The following SLC25A37 variants were observed in gnomAD, a reference collection of about 807,000 sequenced individuals.
SLC25A37 encodes solute carrier family 25 member 37.
Under a neutral mutation model 31.0 loss-of-function variants are expected in SLC25A37, and 17 were observed. That is an observed-to-expected ratio of 0.55 (90% CI 0.38 to 0.82). SLC25A37 has a LOEUF of 0.82. Ranked by LOEUF, SLC25A37 falls within the 40% of genes least tolerant of loss-of-function variation. The probability of loss-of-function intolerance (pLI) is 0.00; values close to 1 mark genes in which losing one functional copy is unlikely to be tolerated. For missense variants in SLC25A37, 404 were observed against 465.8 expected (o/e 0.87, Z 1.22); for synonymous variants, 222 against 193.0 (o/e 1.15, Z -1.24).
In SLC25A37 at chr8:23,529,742, G is replaced by A. The variant is rs538248684; in HGVS notation, c.210+530G>A. 6.6e-6 allele frequency among the ~76,000 whole-genome samples: 1 copy of A among 152,284 alleles called. No individual in the cohort carries two copies. The highest frequency in any genetic ancestry group is 2.1e-4 in the South Asian group (1 of 4,824). On this transcript the variant is annotated intron_variant, in intron 1 of 3. Transcript: ENST00000519973. This position sits in a 1 kb window ranked among gnomAD's most constrained non-coding sequence, Gnocchi z 4.1. ...TCCCCGGGTTATTTCGGGAACTTGG[G>A]GCCGGCAAGTCTTCTCTCGACTAGT...
chr8:23,529,081 G>A lies in SLC25A37; in HGVS notation c.79G>A (p.Gly27Ser), dbSNP rs751225509. ...TGGGGACAGCCGAGATGGCGGCGGC[G>A]GCAAGGACGCCACCGGGTCGGAGGA... ...MDGDSRDGGG[G>S]KDATGSEDYE... Residue 27 changes from glycine (G) to serine (S), a missense_variant, in exon 1 of 4, where the codon GGC (glycine) becomes AGC (serine). Coordinates refer to ENST00000519973, the MANE Select transcript of SLC25A37 (RefSeq NM_016612.4). The surrounding 1 kb of genome is among the most constrained non-coding windows in gnomAD (Gnocchi z 4.1). 1 of 1,600,404 alleles carries A rather than the reference G, an allele frequency of 6.2e-7. No homozygotes were observed. The highest frequency in any genetic ancestry group is 8.5e-7 in the Non-Finnish European group (1 of 1,174,564).
chr8:23,552,344 G>A (rs1802249942), intron 1 of SLC25A37, among the ~76,000 whole-genome samples: 1 of 152,212 alleles, frequency 6.6e-6, no homozygotes, highest in African/African-American at 2.4e-5. Flanking sequence ...ACAGACGAGG[G>A]AACTGAAGTT....
intron 1 of SLC25A37, among the ~76,000 whole-genome samples, chr8:23,546,558 A>ATATATATATATATATATATATATAGTG (rs1802060035): frequency 2.4e-4 from 8 of 32,674 alleles, no homozygotes; most frequent in South Asian, 1.1e-3. Context: ...TATATAGTGT[A>ATATATATATATATATATATATATAGTG]TATATATATA....
intron 1 of SLC25A37, among the ~76,000 whole-genome samples, chr8:23,565,516 A>G (rs1160568285): frequency 1.3e-5 from 2 of 152,212 alleles, no homozygotes; most frequent in Non-Finnish European, 2.9e-5. Flanking sequence ...ATTAAGAACA[A>G]GACCATTTAT....
chr8:23,568,431 A>G, intron 3 of SLC25A37, 53 bp downstream of exon 3: 1 of 1,606,060 alleles, frequency 6.2e-7, no homozygotes, highest in Non-Finnish European at 8.5e-7. Flanking sequence ...AAAGGGGCAC[A>G]AAAAATGGTT....
intron 1 of SLC25A37, among the ~76,000 whole-genome samples, chr8:23,547,516 G>A (rs1039706622): frequency 1.3e-5 from 2 of 152,166 alleles, no homozygotes; most frequent in Non-Finnish European, 2.9e-5. Context: ...ATTCTCTCGG[G>A]AACTCACCAG....
intron 1 of SLC25A37, among the ~76,000 whole-genome samples, chr8:23,531,049 G>C (rs1485982410): frequency 2.0e-5 from 3 of 152,310 alleles, no homozygotes; most frequent in African/African-American, 7.2e-5. Flanking sequence ...ATGGTAGAAG[G>C]AGCCGGTCTG....
intron 1 of SLC25A37, among the ~76,000 whole-genome samples, chr8:23,546,070 G>A (rs1802028390): frequency 6.6e-6 from 1 of 151,966 alleles, no homozygotes; most frequent in African/African-American, 2.4e-5. Flanking sequence ...GGGAGGCAGA[G>A]GTTGCATTGA....
At chr8:23,542,890 T>C (rs141453553) in intron 1 of SLC25A37, among the ~76,000 whole-genome samples, 92 of 151,890 alleles carry the variant, frequency 6.1e-4, no homozygotes, top group African/African-American at 2.2e-3. Flanking sequence ...AGTAAAAAAA[T>C]AAAAAATGTT....
intron 3 of SLC25A37, among the ~76,000 whole-genome samples, chr8:23,570,130 G>T (rs1802781270): frequency 6.6e-6 from 1 of 152,102 alleles, no homozygotes; most frequent in Non-Finnish European, 1.5e-5. Flanking sequence ...TTGACCCGAT[G>T]GGCAGGTGAA....
intron 1 of SLC25A37, among the ~76,000 whole-genome samples, chr8:23,553,329 G>A (rs1340416980): frequency 6.6e-6 from 1 of 152,204 alleles, no homozygotes; most frequent in African/African-American, 2.4e-5. Context: ...GGCTGAGGCA[G>A]GAGATGGCTT....
chr8:23,573,656 G>A lies in SLC25A37; in HGVS notation c.*1801G>A, dbSNP rs1230559354. 4 of 389,192 alleles carry A rather than the reference G, an allele frequency of 1.0e-5. No homozygotes were observed. Among genetic ancestry groups the A allele is most frequent in the Non-Finnish European group, 2.1e-5 (4 of 188,522 alleles). 24.1% of individuals were successfully genotyped at this position (389,192 alleles called of 1,614,324 possible). ...GGGGAGTAGATTTTGCCCTAATAGCGATGAAGAATTTTATCAGTCAGTGGA... is the reference window on the plus strand; with the variant it reads ...GGGGAGTAGATTTTGCCCTAATAGCAATGAAGAATTTTATCAGTCAGTGGA... On this transcript the variant is annotated 3_prime_UTR_variant, in exon 4 of 4. Transcript: ENST00000519973.
intron 1 of SLC25A37, among the ~76,000 whole-genome samples, chr8:23,538,559 G>T (rs1426129349): frequency 1.3e-5 from 2 of 151,676 alleles, no homozygotes; most frequent in East Asian, 1.9e-4. Context: ...GTGTGTGTGT[G>T]TAGAACCCAG....
At position 23,528,989 on chromosome 8, in the gene SLC25A37, C is replaced by A. The variant is rs750111109; in HGVS notation, c.-14C>A. The A allele has an allele frequency of 4.0e-5, 60 of 1,484,594 alleles. No homozygotes were observed. The Middle Eastern group carries it at 5.5e-4, about 14-fold the overall frequency. The allele number at this position is 1,484,594 out of a possible 1,614,324, so 92.0% of individuals were successfully genotyped here. Reference sequence around the variant, plus strand: ...CCACCTCCTGCAGCCTCCTGCGCCCCGCCGAGCTGGCGGATGGAGCTGCGC... The same window carrying A: ...CCACCTCCTGCAGCCTCCTGCGCCCAGCCGAGCTGGCGGATGGAGCTGCGC... On this transcript the variant is annotated 5_prime_UTR_variant, in exon 1 of 4. Coordinates refer to ENST00000519973, the MANE Select transcript of SLC25A37 (RefSeq NM_016612.4).
intron 1 of SLC25A37, among the ~76,000 whole-genome samples, chr8:23,543,481 C>G (rs774912707): frequency 3.3e-5 from 5 of 152,214 alleles, no homozygotes; most frequent in Admixed American, 6.5e-5. Flanking sequence ...CAGGCCTTCA[C>G]ATTTACTCAC....
At chr8:23,533,863 A>G (rs773893846) in intron 1 of SLC25A37, among the ~76,000 whole-genome samples, 4 of 152,132 alleles carry the variant, frequency 2.6e-5, no homozygotes, top group Non-Finnish European at 5.9e-5. Flanking sequence ...TGCCACTCCC[A>G]TGCCCACCTT....
At chr8:23,534,719 A>G (rs952733063) in intron 1 of SLC25A37, among the ~76,000 whole-genome samples, 1 of 152,118 alleles carries the variant, frequency 6.6e-6, no homozygotes. Flanking sequence ...CTATTTCCCT[A>G]TCTGTAAAAA....
intron 3 of SLC25A37, 111 bp downstream of exon 3, chr8:23,568,489 C>T (rs1333075205): frequency 5.1e-6 from 6 of 1,183,016 alleles, no homozygotes; most frequent in South Asian, 1.2e-5. Context: ...CTCCTAGTCT[C>T]CAGTCAGAGC....
chr8:23,564,711 G>A (rs923799091), intron 1 of SLC25A37, among the ~76,000 whole-genome samples: 3 of 152,130 alleles, frequency 2.0e-5, no homozygotes, highest in Non-Finnish European at 4.4e-5. Flanking sequence ...CCAGCCTTTG[G>A]TTGAAGACCT....
Sources: gnomAD v4.1 joint callset for allele counts (sites outside exome capture counted in the v4.1 genomes callset) on GRCh38, gnomAD v4.1.1 for gene constraint, Gnocchi (gnomAD v3.1) non-coding constraint, MANE v1.5 for transcripts, NCBI Gene and HGNC (gene_info 2026-07-23, HGNC 2026-07-21) for gene names.